MALT1: variants seen among roughly 807,000 people sequenced by gnomAD.
MALT1 encodes the protein MALT1 paracaspase.
In MALT1, 36 loss-of-function variants were observed where a neutral mutation model predicts 85.5. The ratio of observed to expected loss-of-function variants is 0.42; its 90% CI spans 0.32 to 0.56. The LOEUF (loss-of-function observed/expected upper bound fraction) is 0.56, where lower values mean the gene tolerates loss of function less well. Among genes scored for constraint, MALT1 ranks in the 20% least tolerant of loss-of-function variants. The pLI is 0.10. For missense variants in MALT1, 716 were observed against 981.6 expected (o/e 0.73, Z 3.62); for synonymous variants, 359 against 361.3 (o/e 0.99, Z 0.07).
intron 4 of MALT1, among the ~76,000 whole-genome samples, chr18:58,703,226 C>A (rs1173743450): frequency 2.8e-4 from 42 of 151,944 alleles, no homozygotes; most frequent in Admixed American, 2.6e-3. Context: ...GTGTGGTGGC[C>A]CGTGACTGTA....
At chr18:58,734,543 C>A in intron 12 of MALT1, 162 bp downstream of exon 12, 1 of 597,972 alleles carries the variant, frequency 1.7e-6, no homozygotes, top group Non-Finnish European at 3.0e-6. Flanking sequence ...CCTGCCTCAG[C>A]CTTCTGAGTC....
chr18:58,671,528 A>T lies in MALT1; in HGVS notation c.-116A>T. Reference sequence around the variant, plus strand: ...TCTGAGGGCCGTGCCGCGCTGCCAGATTTGTTCTTCCGCCCCTGCCTCCGC... The same window carrying T: ...TCTGAGGGCCGTGCCGCGCTGCCAGTTTTGTTCTTCCGCCCCTGCCTCCGC... On this transcript the variant is annotated 5_prime_UTR_variant, in exon 1 of 17. Transcript: ENST00000649217. The T allele has an allele frequency of 1.7e-6, 1 of 599,644 alleles. No individual in the cohort carries two copies. The highest frequency in any genetic ancestry group is 2.4e-6 in the Non-Finnish European group (1 of 418,888). The allele number at this position is 599,644 out of a possible 1,614,324, so 37.1% of individuals were successfully genotyped here.
intron 10 of MALT1, among the ~76,000 whole-genome samples, chr18:58,725,509 G>A (rs1369201056): frequency 6.6e-6 from 1 of 152,096 alleles, no homozygotes; most frequent in Non-Finnish European, 1.5e-5. Context: ...TGGCATCAGG[G>A]GTGTTGTTTG....
intron 2 of MALT1, among the ~76,000 whole-genome samples, chr18:58,684,932 C>T (rs1459449349): frequency 1.3e-5 from 2 of 151,926 alleles, no homozygotes; most frequent in Non-Finnish European, 2.9e-5. Context: ...ATTGCAATGC[C>T]CTTGCTGTGC....
intron 2 of MALT1, among the ~76,000 whole-genome samples, chr18:58,681,577 A>G (rs1004166491): frequency 6.6e-6 from 1 of 152,222 alleles, no homozygotes; most frequent in Admixed American, 6.5e-5. Context: ...GTAACTACAT[A>G]TTTGATATAT....
intron 16 of MALT1, among the ~76,000 whole-genome samples, chr18:58,746,865 C>A (rs886276264): frequency 6.6e-6 from 1 of 152,022 alleles, no homozygotes; most frequent in African/African-American, 2.4e-5. Flanking sequence ...GTAGCCAGGA[C>A]TACAGGCGCA....
intron 2 of MALT1, among the ~76,000 whole-genome samples, chr18:58,693,371 A>AG (rs1231320014): frequency 1.3e-5 from 2 of 152,240 alleles, no homozygotes; most frequent in Non-Finnish European, 2.9e-5. Context: ...GCAGTGAGCG[A>AG]GATCATGACA....
intron 1 of MALT1, among the ~76,000 whole-genome samples, chr18:58,680,022 A>T (rs543015087): frequency 2.2e-5 from 3 of 137,862 alleles, no homozygotes; most frequent in Admixed American, 7.3e-5. Flanking sequence ...CATCTCTATT[A>T]AAAAAAAATT....
intron 8 of MALT1, among the ~76,000 whole-genome samples, chr18:58,715,338 T>G (rs188105961): frequency 8.5e-5 from 13 of 152,152 alleles, no homozygotes; most frequent in African/African-American, 2.9e-4. Context: ...TACCAAAAAT[T>G]TAGGTTTAAA....
chr18:58,696,328 G>A lies in MALT1; in HGVS notation c.377-38G>A, dbSNP rs748335018. Reference sequence around the variant, plus strand: ...TGTATAAACAAGGAAAATCCCTCTTGTGACTTTAATTTTTTTTTTTTTTTT... The same window carrying A: ...TGTATAAACAAGGAAAATCCCTCTTATGACTTTAATTTTTTTTTTTTTTTT... On this transcript the variant is annotated intron_variant, in intron 2 of 16. Transcript: ENST00000649217. The A allele has an allele frequency of 1.5e-5, 20 of 1,297,704 alleles. 1 individual carries two copies. In the South Asian group the frequency reaches 3.7e-4, roughly 24 times the overall value. 80.4% of individuals were successfully genotyped at this position (1,297,704 alleles called of 1,614,324 possible).
chr18:58,718,565 C>G (rs1341125545), intron 9 of MALT1, among the ~76,000 whole-genome samples: 2 of 151,794 alleles, frequency 1.3e-5, no homozygotes, highest in Non-Finnish European at 2.9e-5. Flanking sequence ...AATTTCATCT[C>G]AAAACCACCC....
intron 2 of MALT1, among the ~76,000 whole-genome samples, chr18:58,694,935 C>G (rs936678657): frequency 6.6e-6 from 1 of 152,126 alleles, no homozygotes; most frequent in Non-Finnish European, 1.5e-5. Context: ...TGGCTGTATT[C>G]CCACCCAAAT....
chr18:58,736,750 G>A (rs1484583346), intron 13 of MALT1, among the ~76,000 whole-genome samples: 2 of 152,178 alleles, frequency 1.3e-5, no homozygotes, highest in African/African-American at 4.8e-5. Flanking sequence ...AACCAGAATT[G>A]CCCAGGCAGG....
At chr18:58,705,786 C>T (rs1310495489) in intron 4 of MALT1, among the ~76,000 whole-genome samples, 1 of 152,062 alleles carries the variant, frequency 6.6e-6, no homozygotes, top group Non-Finnish European at 1.5e-5. Flanking sequence ...AGTAAACATA[C>T]GTGTGCATGT....
chr18:58,685,103 T>C (rs1189209882), intron 2 of MALT1, among the ~76,000 whole-genome samples: 1 of 152,170 alleles, frequency 6.6e-6, no homozygotes, highest in Non-Finnish European at 1.5e-5. Flanking sequence ...GATCTCCAGT[T>C]TTCTCTCTTT....
In MALT1 at chr18:58,753,748, T is replaced by C. The variant is rs949370190; in HGVS notation, c.*5906T>C. On this transcript the variant is annotated 3_prime_UTR_variant, in exon 17 of 17. Coordinates refer to ENST00000649217, the MANE Select transcript of MALT1 (RefSeq NM_006785.4). Reference sequence around the variant, plus strand: ...ACTGTATAATTTTAAAATACAGATATGCACAATTGTGTAATGTAAATATGC... The same window carrying C: ...ACTGTATAATTTTAAAATACAGATACGCACAATTGTGTAATGTAAATATGC... 2 of 152,240 alleles carry C rather than the reference T, an allele frequency of 1.3e-5. No individual in the cohort carries two copies. The highest frequency in any genetic ancestry group is 4.8e-5 in the African/African-American group (2 of 41,464). 9.4% of individuals were successfully genotyped at this position (152,240 alleles called of 1,614,324 possible).
chr18:58,673,457 TA>T (rs1321836908), intron 1 of MALT1, among the ~76,000 whole-genome samples: 1 of 152,156 alleles, frequency 6.6e-6, no homozygotes, highest in Non-Finnish European at 1.5e-5. Context: ...ATTTTTGCAT[TA>T]TCTTTTTTTT....
In MALT1 at chr18:58,671,689, G is replaced by GC; in HGVS notation, c.51dup (p.Thr18HisfsTer63). 8.0e-7 allele frequency: 1 copy of GC among 1,251,522 alleles called. No homozygotes were observed. Among genetic ancestry groups the GC allele is most frequent in the Non-Finnish European group, 1.0e-6 (1 of 999,588 alleles). 77.5% of individuals were successfully genotyped at this position (1,251,522 alleles called of 1,614,324 possible). A position where few individuals can be genotyped will look rare whatever the true frequency, so the allele number is the denominator to read the frequency against. ...GCTACAGGCCCTGCCGCCCTCGGCCGCCCCCACGGGGCCGCTGCTCGCCCC... is the reference window on the plus strand; with the variant it reads ...GCTACAGGCCCTGCCGCCCTCGGCCGCCCCCCACGGGGCCGCTGCTCGCCCC... On this transcript the variant is annotated frameshift_variant, in exon 1 of 17. Coordinates refer to ENST00000649217, the MANE Select transcript of MALT1 (RefSeq NM_006785.4). LOFTEE classifies it high-confidence loss of function.
chr18:58,735,614 A>G (rs1474427751), intron 13 of MALT1, among the ~76,000 whole-genome samples: 1 of 151,334 alleles, frequency 6.6e-6, no homozygotes, highest in African/African-American at 2.4e-5. Flanking sequence ...GAATTCTCAG[A>G]GCTCTACTTT....
Sources: allele counts gnomAD v4.1 joint callset (sites outside exome capture counted in the v4.1 genomes callset), GRCh38; gene constraint gnomAD v4.1.1; transcripts MANE v1.5; gene names NCBI Gene and HGNC (gene_info 2026-07-23, HGNC 2026-07-21).